Variants in PHEX observed in about 807,000 individuals in gnomAD.
PHEX encodes the protein phosphate regulating endopeptidase X-linked.
Under a neutral mutation model 68.0 loss-of-function variants are expected in PHEX, and 16 were observed. That is an observed-to-expected ratio of 0.24 (90% CI 0.16 to 0.36). PHEX has a LOEUF of 0.36. Ranked by LOEUF, PHEX falls within the 10% of genes least tolerant of loss-of-function variation. The pLI is 1.00. For synonymous variants in PHEX, 208 were observed against 205.1 expected (o/e 1.01, Z -0.12); for missense variants, 480 against 575.5 (o/e 0.83, Z 1.70).
rs1455005869 is a variant in PHEX at position 22,248,442 on chromosome X, C to G, written c.*489C>G. 7.9e-6 allele frequency: 1 copy of G among 126,448 alleles called. No homozygotes were observed. Among genetic ancestry groups the G allele is most frequent in the Non-Finnish European group, 1.6e-5 (1 of 61,477 alleles). The allele number at this position is 126,448 out of a possible 1,213,427, so 10.4% of individuals were successfully genotyped here. On this transcript the variant is annotated 3_prime_UTR_variant, in exon 22 of 22. Transcript: ENST00000379374. Reference sequence around the variant, plus strand: ...TGCACGTTTTTATGGACAGTAATTACACAGCATTCCTCAACTGTAAGGTAG... The same window carrying G: ...TGCACGTTTTTATGGACAGTAATTAGACAGCATTCCTCAACTGTAAGGTAG...
At chrX:22,047,978 A>G (rs1489288984) in intron 3 of PHEX, among the ~76,000 whole-genome samples, 1 of 110,149 alleles carries the variant, frequency 9.1e-6, no homozygotes, top group Non-Finnish European at 1.9e-5. Flanking sequence ...GCTCTTTTTG[A>G]CAACTGTGAG....
rs748621637 is a variant in PHEX, at chrX:22,150,455, C to G, written c.1404+16831C>G. On this transcript the variant is annotated intron_variant, in intron 12 of 21. Coordinates refer to ENST00000379374, the MANE Select transcript of PHEX (RefSeq NM_000444.6). ...TTGGGCTTTGCAGGTCATGTGGTCT[C>G]TGTTGCAGCAACCCAAATATACCTG... 3.6e-5 allele frequency among the ~76,000 whole-genome samples: 4 copies of G among 112,101 alleles called. No homozygotes were observed. The South Asian group carries it at 1.5e-3, about 42-fold the overall frequency.
intron 21 of PHEX, 24 bp downstream of exon 21, chrX:22,245,433 C>A (rs772801159): frequency 2.0e-6 from 2 of 1,025,329 alleles, no homozygotes; most frequent in Admixed American, 2.2e-5. Context: ...TGGGTGACGG[C>A]AGTTTTTAAC....
chrX:22,135,249 A>G (rs1932180524), intron 12 of PHEX, among the ~76,000 whole-genome samples: 1 of 112,314 alleles, frequency 8.9e-6, no homozygotes, highest in Admixed American at 9.4e-5. Context: ...AGGCAAGAGC[A>G]CATGGGCTGT....
chrX:22,144,377 TATTTAAAAATATTTTTATGGAA>T (rs1932591172), intron 12 of PHEX, among the ~76,000 whole-genome samples: 1 of 111,679 alleles, frequency 9.0e-6, no homozygotes. Context: ...TTGCCTCTAA[TATTTAAAAATATTTTTATGGAA>T]ATTTAAAAAT....
chrX:22,068,367 C>CA, intron 3 of PHEX, among the ~76,000 whole-genome samples: 1 of 111,741 alleles, frequency 8.9e-6, no homozygotes, highest in South Asian at 3.7e-4. Flanking sequence ...TGCACCACTG[C>CA]AAAAAGAAGT....
At chrX:22,215,141 T>G (rs1164874727) in intron 16 of PHEX, among the ~76,000 whole-genome samples, 1 of 111,501 alleles carries the variant, frequency 9.0e-6, no homozygotes, top group African/African-American at 3.3e-5. Context: ...ATGAAGTAAT[T>G]TGTTTATTGG....
intron 3 of PHEX, among the ~76,000 whole-genome samples, chrX:22,068,688 AATACAATAC>A (rs2147009695): frequency 8.9e-6 from 1 of 112,549 alleles, no homozygotes; most frequent in South Asian, 3.7e-4. Flanking sequence ...GTTATGTATT[AATACAATAC>A]ATCTGGCACA....
At chrX:22,217,160 G>C (rs553986200) in intron 16 of PHEX, among the ~76,000 whole-genome samples, 1 of 111,909 alleles carries the variant, frequency 8.9e-6, no homozygotes, top group East Asian at 2.8e-4. Flanking sequence ...CTTATTCTCA[G>C]AGCTGAGAGA....
At position 22,059,138 on chromosome X, in the gene PHEX, C is replaced by A. The variant is rs73201127; in HGVS notation, c.349+11927C>A. The stretch of plus-strand genomic sequence containing the variant: ...CCTTTGTTCTCTCTTCTTTCTTATC[C>A]CTAGGGGATCCTTAACTTGAGTCCA... On this transcript the variant is annotated intron_variant, in intron 3 of 21. Transcript: ENST00000379374. 1.3e-4 allele frequency among the ~76,000 whole-genome samples: 15 copies of A among 111,564 alleles called. 1 individual carries two copies. The highest frequency in any genetic ancestry group is 2.4e-4 in the Non-Finnish European group (13 of 53,126).
chrX:22,177,270 TA>T (rs1933739805), intron 13 of PHEX, among the ~76,000 whole-genome samples: 1 of 112,030 alleles, frequency 8.9e-6, no homozygotes, highest in Admixed American at 9.5e-5. Context: ...ACGAGTATTT[TA>T]CTTTTTGCTT....
intron 20 of PHEX, among the ~76,000 whole-genome samples, chrX:22,232,178 G>GTGTT (rs1261709893): frequency 3.6e-5 from 4 of 111,493 alleles, no homozygotes; most frequent in African/African-American, 9.8e-5. Flanking sequence ...TTGCTGAGAA[G>GTGTT]TGTTTTACTT....
chrX:22,120,459 A>G (rs2147072142), intron 11 of PHEX, among the ~76,000 whole-genome samples: 1 of 112,011 alleles, frequency 8.9e-6, no homozygotes. Flanking sequence ...AAAAGGGCAT[A>G]CATTTCATAT....
rs753264645 is a variant in PHEX, at chrX:22,139,140, G to GAGAT, written c.1404+5517_1404+5520dup. ...TCAGTTTTCACATCCATAAACTGGG[G>GAGAT]AGATTGGTCCCTGTCTCAGAAGATT... On this transcript the variant is annotated intron_variant, in intron 12 of 21. Coordinates refer to ENST00000379374, the MANE Select transcript of PHEX (RefSeq NM_000444.6). 7.5e-4 allele frequency among the ~76,000 whole-genome samples: 84 copies of GAGAT among 111,878 alleles called. 1 individual carries two copies. The highest frequency in any genetic ancestry group is 2.5e-3 in the African/African-American group (78 of 30,814).
chrX:22,114,575 A>G lies in PHEX; in HGVS notation c.1291A>G (p.Lys431Glu). ...TGTAGATGTGTACTTCCAGGAAGAT[A>G]AGAAGGAAATGGTAAGTGGTACTCC... ...MFVDVYFQED[K>E]KEMMEELVEG... The change falls in exon 11 of 22, where the codon AAG becomes GAG. Residue 431 changes from lysine to glutamate, a missense_variant. By Grantham distance (56) the Lys-to-Glu change is moderately conservative. Coordinates refer to ENST00000379374, the MANE Select transcript of PHEX (RefSeq NM_000444.6). 8.3e-7 allele frequency: 1 copy of G among 1,206,722 alleles called. No individual in the cohort carries two copies. The highest frequency in any genetic ancestry group is 1.1e-6 in the Non-Finnish European group (1 of 890,920).
chrX:22,155,944 A>G (rs1932941061), intron 12 of PHEX, among the ~76,000 whole-genome samples: 1 of 111,544 alleles, frequency 9.0e-6, no homozygotes, highest in African/African-American at 3.3e-5. Flanking sequence ...CAACTACTCA[A>G]ACTCCACTGC....
chrX:22,236,596 T>C lies in PHEX; in HGVS notation c.2071-8737T>C, dbSNP rs970079157. On this transcript the variant is annotated intron_variant, in intron 20 of 21. Transcript: ENST00000379374. ...GGGCCAAATATGGCCTGCTGCCTGT[T>C]TTTGTAAATAATGTTTTATTGGAAA... Among the ~76,000 whole-genome samples the C allele has an allele frequency of 6.2e-5, 7 of 113,051 alleles. No homozygotes were observed. In the East Asian group the frequency reaches 1.1e-3, roughly 18 times the overall value.
At chrX:22,238,443 G>C (rs1169250966) in intron 20 of PHEX, among the ~76,000 whole-genome samples, 2 of 111,441 alleles carry the variant, frequency 1.8e-5, no homozygotes, top group South Asian at 7.6e-4. Context: ...GCAACTGGCA[G>C]ACCAGGAGAT....
chrX:22,061,859 A>G (rs1928380825), intron 3 of PHEX, among the ~76,000 whole-genome samples: 1 of 111,767 alleles, frequency 8.9e-6, no homozygotes, highest in Non-Finnish European at 1.9e-5. Context: ...ACACTGCTAT[A>G]AAGAAATACC....
Sources: gnomAD v4.1 joint callset for allele counts (sites outside exome capture counted in the v4.1 genomes callset) on GRCh38, gnomAD v4.1.1 for gene constraint, MANE v1.5 for transcripts, NCBI Gene and HGNC (gene_info 2026-07-23, HGNC 2026-07-21) for gene names.